The following NCALD variants were observed in gnomAD, a reference collection of about 807,000 sequenced individuals.
NCALD encodes neurocalcin delta, also known as neurocalcin-delta.
NCALD carries 10 observed loss-of-function variants against 18.6 expected under a neutral mutation model. The observed-to-expected ratio is 0.54, with a 90% CI of 0.33 to 0.91. The LOEUF is 0.91. Among genes scored for constraint, NCALD ranks in the 40% least tolerant of loss-of-function variants. NCALD has a pLI of 0.03. For missense variants in NCALD, 184 were observed against 247.6 expected (o/e 0.74, Z 1.72); for synonymous variants, 88 against 87.4 (o/e 1.01, Z -0.04).
At chr8:101,893,064 G>T (rs556499493) in intron 3 of NCALD, among the ~76,000 whole-genome samples, 12 of 150,724 alleles carry the variant, frequency 8.0e-5, no homozygotes, top group Admixed American at 7.9e-4. Context: ...ATAATTGTCA[G>T]ATTCACCAAA....
intron 3 of NCALD, among the ~76,000 whole-genome samples, chr8:101,890,398 C>T (rs1816828289): frequency 6.6e-6 from 1 of 152,194 alleles, no homozygotes; most frequent in Non-Finnish European, 1.5e-5. Flanking sequence ...GAGCAAATCA[C>T]TCCTATGTAT....
intron 2 of NCALD, among the ~76,000 whole-genome samples, chr8:101,924,851 CTT>C (rs1818283060): frequency 6.6e-6 from 1 of 152,128 alleles, no homozygotes; most frequent in Non-Finnish European, 1.5e-5. Context: ...TCATCTAGTT[CTT>C]TCCATTTTCA....
rs149548821 is a variant in NCALD at position 101,883,207 on chromosome 8, C to T, written c.-20+3934G>A. On this transcript the variant is annotated intron_variant, in intron 4 of 6. Transcript: ENST00000311028. ...GGCAACACAGTGAGACACTCTGACT[C>T]GACAAAAAATACAAAAATTAGCTGG... is the stretch of plus-strand genomic sequence containing the variant. 9.5e-3 allele frequency among the ~76,000 whole-genome samples: 1,441 copies of T among 152,090 alleles called. 10 individuals carry two copies. The highest frequency in any genetic ancestry group is 0.014 in the Non-Finnish European group (956 of 67,986).
At chr8:101,899,200 T>C (rs1319605682) in intron 3 of NCALD, among the ~76,000 whole-genome samples, 1 of 152,062 alleles carries the variant, frequency 6.6e-6, no homozygotes, top group Non-Finnish European at 1.5e-5. Context: ...ACATTGCTAG[T>C]ATATAAAAGT....
intron 3 of NCALD, among the ~76,000 whole-genome samples, chr8:101,908,925 A>G (rs768396513): frequency 6.6e-6 from 1 of 152,204 alleles, no homozygotes; most frequent in Non-Finnish European, 1.5e-5. Flanking sequence ...TAAGTGCCAC[A>G]TCATCACACT....
intron 1 of NCALD, among the ~76,000 whole-genome samples, chr8:102,112,107 A>G (rs1267440903): frequency 6.6e-6 from 1 of 152,228 alleles, no homozygotes; most frequent in Non-Finnish European, 1.5e-5. Context: ...GGAAATTCAA[A>G]TATTTGTGAT....
chr8:101,878,601 AAAATT>A (rs765210026), intron 4 of NCALD, among the ~76,000 whole-genome samples: 18 of 152,390 alleles, frequency 1.2e-4, no homozygotes, highest in Non-Finnish European at 2.1e-4. Flanking sequence ...CTAGTGAAAG[AAAATT>A]AAATTATTAA....
chr8:101,895,167 G>C (rs1817108022), intron 3 of NCALD, among the ~76,000 whole-genome samples: 1 of 151,072 alleles, frequency 6.6e-6, no homozygotes. Flanking sequence ...TATCCACCAT[G>C]ATCAAGTGGG....
intron 2 of NCALD, among the ~76,000 whole-genome samples, chr8:101,973,789 T>A (rs1000288111): frequency 6.6e-6 from 1 of 152,162 alleles, no homozygotes; most frequent in East Asian, 1.9e-4. Context: ...GTTCAAGTCC[T>A]TTTTATATAT....
chr8:101,785,365 A>G (rs1314759215), intron 1 of NCALD, among the ~76,000 whole-genome samples: 5 of 152,200 alleles, frequency 3.3e-5, no homozygotes, highest in African/African-American at 1.2e-4. Context: ...TTCTATGCCA[A>G]GTAAATTGAC....
intron 1 of NCALD, among the ~76,000 whole-genome samples, chr8:101,758,837 T>C (rs1262932057): frequency 6.6e-6 from 1 of 152,212 alleles, no homozygotes; most frequent in African/African-American, 2.4e-5. Context: ...AAAATACTTT[T>C]TTTTTGTAGT....
intron 4 of NCALD, among the ~76,000 whole-genome samples, chr8:101,814,944 A>G (rs1052678252): frequency 3.3e-5 from 5 of 152,120 alleles, no homozygotes; most frequent in African/African-American, 1.2e-4. Flanking sequence ...GAGGAAAACT[A>G]TAAAACTTTG....
intron 2 of NCALD, among the ~76,000 whole-genome samples, chr8:101,998,776 C>T (rs62518509): frequency 0.057 from 8,664 of 152,160 alleles, 349 homozygotes; most frequent in East Asian, 0.16. Context: ...TTCATTCAAA[C>T]CCTCGGAGGC....
chr8:101,781,120 A>G (rs1811995947), intron 1 of NCALD, among the ~76,000 whole-genome samples: 2 of 152,186 alleles, frequency 1.3e-5, no homozygotes, highest in South Asian at 4.1e-4. Flanking sequence ...AATTTGGACC[A>G]AAGATTGCAT....
chr8:101,739,765 AC>A (rs1488563720), intron 1 of NCALD, among the ~76,000 whole-genome samples: 1 of 152,050 alleles, frequency 6.6e-6, no homozygotes, highest in Non-Finnish European at 1.5e-5. Flanking sequence ...CGGCTTCCCT[AC>A]TTTTGAGGTT....
chr8:101,864,132 T>C (rs1347093074), intron 4 of NCALD, among the ~76,000 whole-genome samples: 2 of 152,192 alleles, frequency 1.3e-5, no homozygotes, highest in African/African-American at 4.8e-5. Context: ...TGATTTCAAT[T>C]AAGCTCAATC....
chr8:102,002,459 A>G (rs1225803951), intron 2 of NCALD, among the ~76,000 whole-genome samples: 3 of 152,226 alleles, frequency 2.0e-5, no homozygotes, highest in Non-Finnish European at 4.4e-5. Flanking sequence ...TCAACATTAG[A>G]CAGATCAATG....
chr8:101,999,714 A>G (rs1309129781), intron 2 of NCALD, among the ~76,000 whole-genome samples: 3 of 152,196 alleles, frequency 2.0e-5, no homozygotes, highest in African/African-American at 7.2e-5. Context: ...AAAAAAATTA[A>G]TAAAAAATAA....
chr8:101,972,599 T>C (rs1820282220), intron 2 of NCALD, among the ~76,000 whole-genome samples: 1 of 152,166 alleles, frequency 6.6e-6, no homozygotes, highest in African/African-American at 2.4e-5. Context: ...TTCTAGAAGG[T>C]TCATTACTAA....
Sources: gnomAD v4.1 joint callset for allele counts (sites outside exome capture counted in the v4.1 genomes callset) on GRCh38, gnomAD v4.1.1 for gene constraint, MANE v1.5 for transcripts, NCBI Gene and HGNC (gene_info 2026-07-23, HGNC 2026-07-21) for gene names.